BMPR2: variants seen among roughly 807,000 people sequenced by gnomAD.
BMPR2 encodes bone morphogenetic protein receptor type 2.
In BMPR2, 29 loss-of-function variants were observed where a neutral mutation model predicts 100.8. That is an observed-to-expected ratio of 0.29 (90% CI 0.21 to 0.39). The LOEUF (loss-of-function observed/expected upper bound fraction) is 0.39, where lower values mean the gene tolerates loss of function less well. BMPR2 is among the 10% of genes least tolerant of loss of function. The probability of loss-of-function intolerance (pLI) is 1.00; values close to 1 mark genes in which losing one functional copy is unlikely to be tolerated. For synonymous variants in BMPR2, 382 were observed against 442.3 expected, an observed-to-expected ratio of 0.86 and a Z score of 1.71; for missense variants, 1,011 against 1,274.5, an observed-to-expected ratio of 0.79 and a Z score of 3.15.
chr2:202,538,815 A>AT (rs1454271218), intron 9 of BMPR2, among the ~76,000 whole-genome samples: 1 of 150,306 alleles, frequency 6.7e-6, no homozygotes, highest in African/African-American at 2.4e-5. Context: ...AAAAAAAAAA[A>AT]GTGAGGGTCA....
chr2:202,506,589 C>T (rs1028336280), intron 3 of BMPR2, among the ~76,000 whole-genome samples: 55 of 152,068 alleles, frequency 3.6e-4, no homozygotes, highest in African/African-American at 1.3e-3. Context: ...CTTCAACATA[C>T]GAATTTGCAG....
intron 1 of BMPR2, among the ~76,000 whole-genome samples, chr2:202,415,136 T>C (rs997760765): frequency 1.1e-4 from 17 of 152,142 alleles, no homozygotes; most frequent in Admixed American, 7.9e-4. Context: ...AGATGACACA[T>C]TTTTATGTTG....
chr2:202,502,276 A>G (rs1012305107), intron 3 of BMPR2, among the ~76,000 whole-genome samples: 1 of 152,198 alleles, frequency 6.6e-6, no homozygotes, highest in African/African-American at 2.4e-5. Flanking sequence ...TGGGAATCTT[A>G]CACTGACAAA....
intron 1 of BMPR2, among the ~76,000 whole-genome samples, chr2:202,395,165 C>T (rs962954658): frequency 2.6e-5 from 4 of 152,042 alleles, no homozygotes; most frequent in African/African-American, 9.7e-5. Context: ...TACAGGCATG[C>T]GCCACCACGC....
At chr2:202,523,785 C>G (rs1294493563) in intron 7 of BMPR2, among the ~76,000 whole-genome samples, 1 of 151,814 alleles carries the variant, frequency 6.6e-6, no homozygotes, top group Non-Finnish European at 1.5e-5. Context: ...GCCTGGGCAG[C>G]AAGAGTGAAA....
chr2:202,406,662 A>G (rs991467464), intron 1 of BMPR2, among the ~76,000 whole-genome samples: 23 of 152,322 alleles, frequency 1.5e-4, no homozygotes, highest in African/African-American at 4.6e-4. Flanking sequence ...TTGAGCATCA[A>G]TGAATAAATA....
In BMPR2 at chr2:202,532,774, C is replaced by T; in HGVS notation, c.1276+42C>T. On this transcript the variant is annotated intron_variant, in intron 9 of 12. Transcript: ENST00000374580. The surrounding 1 kb of genome is among the most constrained non-coding windows in gnomAD (Gnocchi z 4.1). ...AAAGTTGATATTTTTTGAAGTGAAG[C>T]AGTTATATCTTCTTTCTCTACCTAT... 1.3e-6 allele frequency: 2 copies of T among 1,593,198 alleles called. No individual in the cohort carries two copies. The highest frequency in any genetic ancestry group is 1.7e-6 in the Non-Finnish European group (2 of 1,169,564).
chr2:202,440,213 C>T lies in BMPR2; in HGVS notation c.77-24596C>T, dbSNP rs1415305589. Among the ~76,000 whole-genome samples, 5 of 150,732 alleles carry T rather than the reference C, an allele frequency of 3.3e-5. 1 individual carries two copies. The highest frequency in any genetic ancestry group is 7.5e-5 in the African/African-American group (3 of 40,054). ...CAAAACCGCCATCCTCATCGTGGCC[C>T]GTTCTCAATGAGCTGTTGGGTACAC... On this transcript the variant is annotated intron_variant, in intron 1 of 12. Coordinates refer to ENST00000374580, the MANE Select transcript of BMPR2 (RefSeq NM_001204.7).
intron 7 of BMPR2, among the ~76,000 whole-genome samples, chr2:202,527,704 G>A (rs1687942518): frequency 2.0e-5 from 3 of 150,716 alleles, no homozygotes; most frequent in African/African-American, 7.3e-5. Flanking sequence ...GGAGAATGGC[G>A]TGAACCCGGG....
intron 3 of BMPR2, among the ~76,000 whole-genome samples, chr2:202,475,525 A>T (rs1692529071): frequency 6.6e-6 from 1 of 152,150 alleles, no homozygotes; most frequent in Non-Finnish European, 1.5e-5. Flanking sequence ...ACAAAATTCC[A>T]TTTACACATT....
chr2:202,523,372 A>G (rs1475956306), intron 7 of BMPR2, among the ~76,000 whole-genome samples: 3 of 152,218 alleles, frequency 2.0e-5, no homozygotes, highest in Admixed American at 6.5e-5. Context: ...CAGCAATCCT[A>G]TTACTGGGTA....
chr2:202,408,055 G>T (rs940588404), intron 1 of BMPR2, among the ~76,000 whole-genome samples: 5 of 151,804 alleles, frequency 3.3e-5, no homozygotes, highest in African/African-American at 4.8e-5. Context: ...GGATGGTCTC[G>T]ATCTCTTGAC....
chr2:202,560,141 T>C lies in BMPR2; in HGVS notation c.*195T>C. On this transcript the variant is annotated 3_prime_UTR_variant, in exon 13 of 13. Transcript: ENST00000374580. ...TGCTTCCATATTTTTAAATTTTGTTTTTTAAGTTTTGCACTTTTGTTTAGT... is the reference window on the plus strand; with the variant it reads ...TGCTTCCATATTTTTAAATTTTGTTCTTTAAGTTTTGCACTTTTGTTTAGT... 1 of 723,804 alleles carries C rather than the reference T, an allele frequency of 1.4e-6. No individual in the cohort carries two copies. The highest frequency in any genetic ancestry group is 2.0e-5 in the South Asian group (1 of 51,200). 44.8% of individuals were successfully genotyped at this position (723,804 alleles called of 1,614,324 possible).
Position 202,377,020 on chromosome 2 carries a change from C to T in BMPR2, c.-455C>T, listed in dbSNP as rs1053256425. ...TAGGGCTGCCGGGCGCCGCCGCCGC[C>T]CGTCCGGCTTCGTCCTTCCCGGCAG... On this transcript the variant is annotated 5_prime_UTR_variant, in exon 1 of 13. Coordinates refer to ENST00000374580, the MANE Select transcript of BMPR2 (RefSeq NM_001204.7). 1 of 461,292 alleles carries T rather than the reference C, an allele frequency of 2.2e-6. No homozygotes were observed. Among genetic ancestry groups the T allele is most frequent in the African/African-American group, 2.0e-5 (1 of 49,652 alleles). 28.6% of individuals were successfully genotyped at this position (461,292 alleles called of 1,614,324 possible).
chr2:202,450,521 G>A (rs1354293089), intron 1 of BMPR2, among the ~76,000 whole-genome samples: 20 of 151,922 alleles, frequency 1.3e-4, no homozygotes. Flanking sequence ...GAGAAACCCT[G>A]TCTCTACTAA....
At position 202,538,822 on chromosome 2, in the gene BMPR2, G is replaced by A. The variant is rs529348602; in HGVS notation, c.1277-3489G>A. 3.3e-5 allele frequency among the ~76,000 whole-genome samples: 5 copies of A among 150,986 alleles called. No individual in the cohort carries two copies. In the South Asian group the frequency reaches 8.4e-4, roughly 25 times the overall value. ...AAAAAAAAAAAAAAAAAAAGTGAGG[G>A]TCAGAGTGGCAACCAGAAAGATGAG... is the stretch of plus-strand genomic sequence containing the variant. On this transcript the variant is annotated intron_variant, in intron 9 of 12. Coordinates refer to ENST00000374580, the MANE Select transcript of BMPR2 (RefSeq NM_001204.7).
At chr2:202,514,853 A>G in intron 4 of BMPR2, 35 bp from the exon 5 acceptor site, 2 of 1,517,412 alleles carry the variant, frequency 1.3e-6, no homozygotes, top group Non-Finnish European at 1.8e-6. Flanking sequence ...TTTTAAGAAA[A>G]CCATATATTA....
At position 202,503,444 on chromosome 2, in the gene BMPR2, T is replaced by G. The variant is rs373935306; in HGVS notation, c.419-10275T>G. 4.2e-4 allele frequency among the ~76,000 whole-genome samples: 64 copies of G among 152,336 alleles called. No homozygotes were observed. In the South Asian group the frequency reaches 0.011, roughly 25 times the overall value. On this transcript the variant is annotated intron_variant, in intron 3 of 12. Coordinates refer to ENST00000374580, the MANE Select transcript of BMPR2 (RefSeq NM_001204.7). This position sits in a 1 kb window ranked among gnomAD's most constrained non-coding sequence, Gnocchi z 4.0. Reference sequence around the variant, plus strand: ...GCTTGCGGGCCAGCCGGAGTTCCGGTTGGGCATGGGCTTGGCGGGCCCCGC... The same window carrying G: ...GCTTGCGGGCCAGCCGGAGTTCCGGGTGGGCATGGGCTTGGCGGGCCCCGC...
At chr2:202,472,562 G>A (rs776859960) in intron 3 of BMPR2, among the ~76,000 whole-genome samples, 4 of 152,228 alleles carry the variant, frequency 2.6e-5, no homozygotes, top group Non-Finnish European at 4.4e-5. Context: ...GGGAGGCTGA[G>A]GCAGAAGAAT....
Sources: allele counts gnomAD v4.1 joint callset (sites outside exome capture counted in the v4.1 genomes callset), GRCh38; gene constraint gnomAD v4.1.1; non-coding constraint Gnocchi (gnomAD v3.1); transcripts MANE v1.5; gene names NCBI Gene and HGNC (gene_info 2026-07-23, HGNC 2026-07-21).